The following CFAP299 variants were observed in gnomAD, a reference collection of about 807,000 sequenced individuals.
CFAP299 encodes cilia and flagella associated protein 299, also known as cilia- and flagella-associated protein 299.
CFAP299 carries 21 observed loss-of-function variants against 27.0 expected under a neutral mutation model. The ratio of observed to expected loss-of-function variants is 0.78; its 90% CI spans 0.55 to 1.12. The LOEUF (loss-of-function observed/expected upper bound fraction) is 1.12. Ranked by LOEUF, CFAP299 falls within the 50% of genes most tolerant of loss-of-function variation. The pLI is 0.00. For missense variants in CFAP299, 310 were observed against 276.6 expected (o/e 1.12, Z -0.86); for synonymous variants, 104 against 98.1 (o/e 1.06, Z -0.36).
chr4:80,533,149 A>G (rs150398778), intron 2 of CFAP299, among the ~76,000 whole-genome samples: 5 of 152,328 alleles, frequency 3.3e-5, no homozygotes, highest in East Asian at 3.9e-4. Flanking sequence ...TCTCACATGC[A>G]TGTCTGCAGA....
chr4:80,764,580 G>A (rs936025586), intron 3 of CFAP299, among the ~76,000 whole-genome samples: 23 of 152,076 alleles, frequency 1.5e-4, no homozygotes, highest in Non-Finnish European at 2.9e-4. Context: ...TTGACCCAGC[G>A]ATCTCATTAC....
intron 2 of CFAP299, among the ~76,000 whole-genome samples, chr4:80,535,594 C>T (rs1238444404): frequency 1.3e-5 from 2 of 148,552 alleles, no homozygotes; most frequent in African/African-American, 2.5e-5. Flanking sequence ...GATTGGTGAA[C>T]GTTTAGTGGA....
intron 2 of CFAP299, among the ~76,000 whole-genome samples, chr4:80,506,219 T>C (rs1172578071): frequency 6.6e-6 from 1 of 152,100 alleles, no homozygotes; most frequent in Non-Finnish European, 1.5e-5. Flanking sequence ...AGGTATATCT[T>C]AGTATTGGTT....
At chr4:80,519,432 C>T (rs1021865989) in intron 2 of CFAP299, among the ~76,000 whole-genome samples, 3 of 152,102 alleles carry the variant, frequency 2.0e-5, no homozygotes, top group African/African-American at 7.2e-5. Context: ...TTCTCTAACT[C>T]CTGATCTCAA....
rs577587846 is a variant in CFAP299 at position 80,822,479 on chromosome 4, C to A, written c.334-47514C>A. Among the ~76,000 whole-genome samples the A allele has an allele frequency of 1.5e-4, 23 of 152,222 alleles. No homozygotes were observed. The South Asian group carries it at 4.8e-3, about 32-fold the overall frequency. ...TCTATTTAAATATAATAATTAACAT[C>A]TTTAAGGAGCCTGCTCAGTATTTAA... On this transcript the variant is annotated intron_variant, in intron 3 of 5. Transcript: ENST00000358105.
At chr4:80,797,961 C>T (rs180775260) in intron 3 of CFAP299, among the ~76,000 whole-genome samples, 139 of 152,238 alleles carry the variant, frequency 9.1e-4, no homozygotes, top group African/African-American at 3.2e-3. Flanking sequence ...GCTTGAGCTG[C>T]AACATTAAAT....
chr4:80,608,648 C>T (rs2109913567), intron 3 of CFAP299, among the ~76,000 whole-genome samples: 1 of 152,060 alleles, frequency 6.6e-6, no homozygotes, highest in African/African-American at 2.4e-5. Flanking sequence ...CTTAAAAAAT[C>T]CATACAACTC....
chr4:80,667,001 T>A (rs1741172512), intron 3 of CFAP299, among the ~76,000 whole-genome samples: 1 of 152,224 alleles, frequency 6.6e-6, no homozygotes, highest in Non-Finnish European at 1.5e-5. Context: ...CCTGTGAACA[T>A]CTTCTATACC....
intron 4 of CFAP299, among the ~76,000 whole-genome samples, chr4:80,890,600 GGT>G (rs1342140266): frequency 6.7e-6 from 1 of 148,886 alleles, no homozygotes; most frequent in Non-Finnish European, 1.5e-5. Flanking sequence ...TGGGTCAAAT[GGT>G]ATTTCTAGTT....
intron 3 of CFAP299, among the ~76,000 whole-genome samples, chr4:80,864,200 TA>T (rs761763733): frequency 1.1e-4 from 16 of 152,022 alleles, no homozygotes; most frequent in Admixed American, 2.0e-4. Flanking sequence ...AAAATGTTTT[TA>T]GTTAAACCTA....
intron 1 of CFAP299, among the ~76,000 whole-genome samples, chr4:80,338,804 C>T (rs1346053196): frequency 6.6e-6 from 1 of 152,240 alleles, no homozygotes; most frequent in Non-Finnish European, 1.5e-5. Context: ...AAGCATTTTA[C>T]AAACATTTAC....
chr4:80,753,321 T>G (rs1227254491), intron 3 of CFAP299, among the ~76,000 whole-genome samples: 1 of 151,998 alleles, frequency 6.6e-6, no homozygotes, highest in East Asian at 1.9e-4. Context: ...TACTTCATCA[T>G]CTTATGGTTT....
intron 4 of CFAP299, among the ~76,000 whole-genome samples, chr4:80,941,934 C>G (rs902808830): frequency 6.6e-6 from 1 of 152,176 alleles, no homozygotes; most frequent in Admixed American, 6.6e-5. Flanking sequence ...ATGATCTAAT[C>G]ACCTCCTGCC....
chr4:80,696,714 C>A (rs990801204), intron 3 of CFAP299, among the ~76,000 whole-genome samples: 1 of 151,996 alleles, frequency 6.6e-6, no homozygotes, highest in African/African-American at 2.4e-5. Flanking sequence ...ATGGAAGGCT[C>A]CTCTGAGACA....
At chr4:80,669,906 T>C (rs1741378785) in intron 3 of CFAP299, among the ~76,000 whole-genome samples, 1 of 152,084 alleles carries the variant, frequency 6.6e-6, no homozygotes, top group Non-Finnish European at 1.5e-5. Context: ...AAACCCTTTT[T>C]TATTAGTCTT....
rs372051763 is a variant in CFAP299 at position 80,939,732 on chromosome 4, T to C, written c.477-5078T>C. Among the ~76,000 whole-genome samples the C allele has an allele frequency of 2.0e-3, 306 of 152,312 alleles. 2 individuals carry two copies. The highest frequency in any genetic ancestry group is 6.8e-3 in the African/African-American group (282 of 41,558). ...CTTGATTCTTCATATTTTTAAAGTT[T>C]TGTGTTGAAAGAAGCAGTCACATTT... On this transcript the variant is annotated intron_variant, in intron 4 of 5. Coordinates refer to ENST00000358105, the MANE Select transcript of CFAP299 (RefSeq NM_152770.3).
chr4:80,625,146 T>C (rs550769685), intron 3 of CFAP299, among the ~76,000 whole-genome samples: 6 of 152,234 alleles, frequency 3.9e-5, no homozygotes, highest in East Asian at 1.9e-4. Flanking sequence ...ATTATAAAGG[T>C]TAAGACAAAA....
chr4:80,692,986 T>A (rs1232192162), intron 3 of CFAP299, among the ~76,000 whole-genome samples: 1 of 152,128 alleles, frequency 6.6e-6, no homozygotes, highest in Non-Finnish European at 1.5e-5. Flanking sequence ...GCAAATCAAA[T>A]CCACAATGAG....
chr4:80,721,436 T>A (rs1722805173), intron 3 of CFAP299, among the ~76,000 whole-genome samples: 1 of 152,226 alleles, frequency 6.6e-6, no homozygotes, highest in South Asian at 2.1e-4. Flanking sequence ...GTATCCCATG[T>A]CTTAACATCA....
Sources: allele counts gnomAD v4.1 joint callset (sites outside exome capture counted in the v4.1 genomes callset), GRCh38; gene constraint gnomAD v4.1.1; transcripts MANE v1.5; gene names NCBI Gene and HGNC (gene_info 2026-07-23, HGNC 2026-07-21).